Variants in TCEA3 observed in about 807,000 individuals in gnomAD.
TCEA3 encodes the protein transcription elongation factor A protein 3.
Under a neutral mutation model 44.0 loss-of-function variants are expected in TCEA3, and 36 were observed. The ratio of observed to expected loss-of-function variants is 0.82; its 90% CI spans 0.63 to 1.08. The LOEUF is 1.08. Among genes scored for constraint, TCEA3 ranks in the 50% least tolerant of loss-of-function variants. TCEA3 has a pLI of 0.00. For missense variants in TCEA3, 392 were observed against 441.2 expected (o/e 0.89, Z 1.00); for synonymous variants, 162 against 159.7 (o/e 1.01, Z -0.11).
chr1:23,392,449 C>CATA (rs1639073245), intron 8 of TCEA3, among the ~76,000 whole-genome samples: 1 of 47,116 alleles, frequency 2.1e-5, no homozygotes, highest in African/African-American at 5.4e-5. Context: ...ATGCACAATA[C>CATA]ACACACACTC....
chr1:23,383,123 C>CA (rs918107685), intron 10 of TCEA3, among the ~76,000 whole-genome samples: 26 of 151,890 alleles, frequency 1.7e-4, no homozygotes, highest in Middle Eastern at 3.4e-3. Flanking sequence ...ACTAAAAATA[C>CA]AAAAAAATTA....
At chr1:23,384,162 T>G in intron 10 of TCEA3, 184 bp downstream of exon 10, 1 of 1,422,936 alleles carries the variant, frequency 7.0e-7, no homozygotes, top group East Asian at 2.6e-5. Context: ...AAAACATGCA[T>G]GTGTGTTCTC....
At chr1:23,391,776 A>G (rs1226600728) in intron 8 of TCEA3, among the ~76,000 whole-genome samples, 1 of 152,016 alleles carries the variant, frequency 6.6e-6, no homozygotes, top group East Asian at 1.9e-4. Flanking sequence ...TACAAAAATT[A>G]GCCGGGCATG....
At chr1:23,393,152 G>A (rs1276848619) in intron 8 of TCEA3, among the ~76,000 whole-genome samples, 4 of 152,022 alleles carry the variant, frequency 2.6e-5, no homozygotes, top group East Asian at 1.9e-4. Flanking sequence ...AATAGGGTTC[G>A]TGCTCCTATG....
At chr1:23,412,219 A>G (rs1454945504) in intron 4 of TCEA3, 4 of 152,182 alleles carry the variant, frequency 2.6e-5, no homozygotes, top group Non-Finnish European at 5.9e-5. Flanking sequence ...TAATCTTTAT[A>G]GTTCCTAAGG....
At chr1:23,403,904 T>C in intron 5 of TCEA3, 1 of 546,502 alleles carries the variant, frequency 1.8e-6, no homozygotes. Flanking sequence ...CTGGGCAGCA[T>C]TTCAGGCAGC....
chr1:23,412,370 A>C (rs1320022037), intron 4 of TCEA3, among the ~76,000 whole-genome samples: 1 of 150,334 alleles, frequency 6.7e-6, no homozygotes, highest in Non-Finnish European at 1.5e-5. Context: ...ACTGCACTCC[A>C]GCCTGGGCAA....
At chr1:23,387,551 T>C (rs1638886877) in intron 8 of TCEA3, 132 bp from the exon 9 acceptor site, 14 of 1,134,502 alleles carry the variant, frequency 1.2e-5, no homozygotes, top group Non-Finnish European at 1.6e-5. Flanking sequence ...GAAGGAGGCC[T>C]GGATTCCGGG....
At chr1:23,411,678 A>G (rs1364757993) in intron 4 of TCEA3, 3 of 152,706 alleles carry the variant, frequency 2.0e-5, no homozygotes, top group Non-Finnish European at 4.4e-5. Flanking sequence ...GTTATAAGAT[A>G]ATGCTGTTTG....
chr1:23,407,417 C>A (rs1639574035), intron 5 of TCEA3, among the ~76,000 whole-genome samples: 1 of 152,098 alleles, frequency 6.6e-6, no homozygotes, highest in South Asian at 2.1e-4. Flanking sequence ...TCAGTACCCT[C>A]CAATAGCTCC....
chr1:23,387,460 C>G (rs1052766781), intron 8 of TCEA3, 41 bp from the exon 9 acceptor site: 1 of 1,541,718 alleles, frequency 6.5e-7, no homozygotes, highest in African/African-American at 1.4e-5. Flanking sequence ...TGAGGAGTTT[C>G]AGGGGCCCTG....
Position 23,397,943 on chromosome 1 carries a change from G to C in TCEA3, c.456C>G (p.Ser152Arg), listed in dbSNP as rs1337091802. The C allele has an allele frequency of 6.2e-7, 1 of 1,613,750 alleles. No homozygotes were observed. Among genetic ancestry groups the C allele is most frequent in the Admixed American group, 1.7e-5 (1 of 59,938 alleles). Residue 152 changes from serine to arginine, a missense_variant, in exon 6 of 11, where the codon AGC becomes AGG. Physicochemically the swap from Ser to Arg is moderately radical, Grantham distance 110. Coordinates refer to ENST00000450454, the MANE Select transcript of TCEA3 (RefSeq NM_003196.3). The stretch of plus-strand genomic sequence containing the variant: ...TTTTGGGGCTCTCCGCTTTTGATTT[G>C]CTGCTGTTTGATCTGAGGATGACAA... ...KRPSVERSNS[S>R]KSKAESPKTP...
intron 8 of TCEA3, among the ~76,000 whole-genome samples, chr1:23,389,204 G>A (rs1639732667): frequency 6.6e-6 from 1 of 152,028 alleles, no homozygotes; most frequent in South Asian, 2.1e-4. Context: ...TTTATTGGAT[G>A]TGGCCAGGTG....
Position 23,390,008 on chromosome 1 carries a change from CAA to C in TCEA3, c.820-2591_820-2590del, listed in dbSNP as rs1638972775. Among the ~76,000 whole-genome samples, 3 of 152,046 alleles carry C rather than the reference CAA, an allele frequency of 2.0e-5. No individual in the cohort carries two copies. In the South Asian group the frequency reaches 6.2e-4, roughly 32 times the overall value. On this transcript the variant is annotated intron_variant, in intron 8 of 10. Coordinates refer to ENST00000450454, the MANE Select transcript of TCEA3 (RefSeq NM_003196.3). ...GTAGCCAAGCATTTACACGAGATTG[CAA>C]GAGAGGGAAGGAAGTACTAAAGTGA... is the stretch of plus-strand genomic sequence containing the variant.
chr1:23,421,803 G>T (rs1016588481), intron 1 of TCEA3, among the ~76,000 whole-genome samples: 1 of 152,008 alleles, frequency 6.6e-6, no homozygotes, highest in Non-Finnish European at 1.5e-5. Flanking sequence ...GTAGTTTTTT[G>T]AAACAATTGC....
At chr1:23,413,608 A>G (rs935556771) in intron 4 of TCEA3, among the ~76,000 whole-genome samples, 1 of 151,898 alleles carries the variant, frequency 6.6e-6, no homozygotes, top group Non-Finnish European at 1.5e-5. Flanking sequence ...TAATATTTGT[A>G]TTTTTAGTAG....
chr1:23,393,740 A>AG lies in TCEA3; in HGVS notation c.819+138dup, dbSNP rs1382906288. On this transcript the variant is annotated intron_variant, in intron 8 of 10. Coordinates refer to ENST00000450454, the MANE Select transcript of TCEA3 (RefSeq NM_003196.3). ...TCAGTATCCTGCTAGTCCAGAGCCCAGGGGGGAGGCTGAGATGAGGCTGGT... is the reference window on the plus strand; with the variant it reads ...TCAGTATCCTGCTAGTCCAGAGCCCAGGGGGGGAGGCTGAGATGAGGCTGGT... The AG allele has an allele frequency of 1.1e-5, 13 of 1,144,414 alleles. No individual in the cohort carries two copies. The East Asian group carries it at 1.5e-4, about 14-fold the overall frequency. The allele number at this position is 1,144,414 out of a possible 1,614,324, so 70.9% of individuals were successfully genotyped here.
chr1:23,403,616 G>A (rs1051736559), intron 5 of TCEA3: 1 of 158,588 alleles, frequency 6.3e-6, no homozygotes, highest in African/African-American at 2.4e-5. Context: ...TCAGTAGACT[G>A]AAGCTCAGAG....
Position 23,398,819 on chromosome 1 carries a change from G to A in TCEA3, c.444-864C>T, listed in dbSNP as rs191276744. ...CTCTCTCTCTGTCACCCAGGCTGGAGTGCAGTGGTGCAGTCATGGCTCACT... is the reference window on the plus strand; with the variant it reads ...CTCTCTCTCTGTCACCCAGGCTGGAATGCAGTGGTGCAGTCATGGCTCACT... On this transcript the variant is annotated intron_variant, in intron 5 of 10. Transcript: ENST00000450454. Among the ~76,000 whole-genome samples, 200 of 152,036 alleles carry A rather than the reference G, an allele frequency of 1.3e-3. 1 individual carries two copies. The highest frequency in any genetic ancestry group is 3.1e-3 in the African/African-American group (129 of 41,476).
Sources: gnomAD v4.1 joint callset for allele counts (sites outside exome capture counted in the v4.1 genomes callset) on GRCh38, gnomAD v4.1.1 for gene constraint, MANE v1.5 for transcripts, NCBI Gene and HGNC (gene_info 2026-07-23, HGNC 2026-07-21) for gene names.